The following ASTN2 variants were observed in gnomAD, a reference collection of about 807,000 sequenced individuals.
The protein encoded by ASTN2 is astrotactin 2.
ASTN2 carries 54 observed loss-of-function variants against 139.8 expected under a neutral mutation model. That is an observed-to-expected ratio of 0.39 (90% CI 0.31 to 0.48). The LOEUF (loss-of-function observed/expected upper bound fraction) is 0.48. Ranked by LOEUF, ASTN2 falls within the 20% of genes least tolerant of loss-of-function variation. The pLI, the probability that ASTN2 is intolerant of heterozygous loss-of-function variation, is 0.95. For missense variants in ASTN2, 1,565 were observed against 1,725.1 expected, an observed-to-expected ratio of 0.91 and a Z score of 1.64; for synonymous variants, 756 against 719.5, an observed-to-expected ratio of 1.05 and a Z score of -0.81.
At chr9:116,774,539 C>G (rs1830033331) in intron 13 of ASTN2, among the ~76,000 whole-genome samples, 1 of 152,098 alleles carries the variant, frequency 6.6e-6, no homozygotes, top group Admixed American at 6.5e-5. Flanking sequence ...ATCCTCTTAT[C>G]AGATTAGGAT....
chr9:117,394,973 G>A (rs1351430110), intron 1 of ASTN2, among the ~76,000 whole-genome samples: 1 of 152,126 alleles, frequency 6.6e-6, no homozygotes, highest in African/African-American at 2.4e-5. Flanking sequence ...AGAGTGATGA[G>A]GGTGGTGGAA....
chr9:117,072,359 C>T lies in ASTN2; in HGVS notation c.1276+23685G>A, dbSNP rs112194838. Among the ~76,000 whole-genome samples, 382 of 152,274 alleles carry T rather than the reference C, an allele frequency of 2.5e-3. 2 individuals are homozygous for T. Among genetic ancestry groups the T allele is most frequent in the African/African-American group, 8.7e-3 (360 of 41,550 alleles). On this transcript the variant is annotated intron_variant, in intron 5 of 22. Coordinates refer to ENST00000313400, the MANE Select transcript of ASTN2 (RefSeq NM_001365068.1). ...GTTTGAGACACTGTGGATCGTAATGCTGAGAGTATGAAAACAAATGCCTTC... is the reference window on the plus strand; with the variant it reads ...GTTTGAGACACTGTGGATCGTAATGTTGAGAGTATGAAAACAAATGCCTTC...
chr9:117,406,875 C>T (rs900199968), intron 1 of ASTN2, among the ~76,000 whole-genome samples: 1 of 150,792 alleles, frequency 6.6e-6, no homozygotes, highest in African/African-American at 2.5e-5. Context: ...CACACACACA[C>T]ACACACACAC....
chr9:116,508,133 C>G (rs1850191983), intron 19 of ASTN2, among the ~76,000 whole-genome samples: 1 of 152,156 alleles, frequency 6.6e-6, no homozygotes, highest in African/African-American at 2.4e-5. Flanking sequence ...TCAGGTGATC[C>G]ACCCGCCTTG....
Position 116,893,703 on chromosome 9 carries a change from C to A in ASTN2, c.1890-29970G>T, listed in dbSNP as rs1185711126. The stretch of plus-strand genomic sequence containing the variant: ...TACCTCAACACCTCTCCCTCCCTCT[C>A]TCCTCTCTTCCCTCCTCACCTTAGT... On this transcript the variant is annotated intron_variant, in intron 10 of 22. Transcript: ENST00000313400. Among the ~76,000 whole-genome samples, 23 of 152,094 alleles carry A rather than the reference C, an allele frequency of 1.5e-4. 1 individual carries two copies. Among genetic ancestry groups the A allele is most frequent in the Admixed American group, 1.5e-3 (23 of 15,262 alleles).
chr9:116,510,322 T>G (rs1255037790), intron 19 of ASTN2, among the ~76,000 whole-genome samples: 1 of 152,158 alleles, frequency 6.6e-6, no homozygotes. Context: ...GTTGTAGATG[T>G]GTGGTATTAT....
chr9:116,941,165 ACAAC>A (rs1835217143), intron 10 of ASTN2, among the ~76,000 whole-genome samples: 1 of 123,186 alleles, frequency 8.1e-6, no homozygotes, highest in Admixed American at 8.8e-5. Flanking sequence ...TCTGCAGAAG[ACAAC>A]TGAGGATACC....
chr9:116,573,841 C>A (rs1461584103), intron 19 of ASTN2, among the ~76,000 whole-genome samples: 2 of 152,214 alleles, frequency 1.3e-5, no homozygotes. Context: ...ACAACTTCCA[C>A]TTTGCCAACT....
intron 1 of ASTN2, among the ~76,000 whole-genome samples, chr9:117,400,289 G>T (rs2130960149): frequency 6.6e-6 from 1 of 152,288 alleles, no homozygotes; most frequent in South Asian, 2.1e-4. Context: ...AACCTGTTTG[G>T]TTTTCCTAGC....
intron 16 of ASTN2, among the ~76,000 whole-genome samples, chr9:116,720,756 A>G (rs1429012262): frequency 6.6e-6 from 1 of 152,224 alleles, no homozygotes; most frequent in African/African-American, 2.4e-5. Flanking sequence ...TAATTCCTGC[A>G]TCTATCACTA....
chr9:117,086,302 C>T (rs1001663372), intron 5 of ASTN2, among the ~76,000 whole-genome samples: 3 of 152,128 alleles, frequency 2.0e-5, no homozygotes, highest in African/African-American at 4.8e-5. Context: ...TGGCCGGGTG[C>T]GGTGGCTCAC....
intron 19 of ASTN2, among the ~76,000 whole-genome samples, chr9:116,549,743 T>A (rs1360582958): frequency 6.6e-6 from 1 of 152,180 alleles, no homozygotes; most frequent in Non-Finnish European, 1.5e-5. Context: ...CCTCCAGGCC[T>A]TTGTTTGATG....
At chr9:116,504,722 C>T (rs1044320859) in intron 19 of ASTN2, among the ~76,000 whole-genome samples, 4 of 151,894 alleles carry the variant, frequency 2.6e-5, no homozygotes, top group African/African-American at 9.7e-5. Context: ...CATAGTAAGA[C>T]CTCATCTCTA....
intron 17 of ASTN2, among the ~76,000 whole-genome samples, chr9:116,629,522 C>T (rs1334296613): frequency 6.6e-6 from 1 of 152,170 alleles, no homozygotes; most frequent in Non-Finnish European, 1.5e-5. Context: ...TTGGACTCAA[C>T]TTCAAATCCC....
At chr9:117,121,536 T>C (rs1277912319) in intron 4 of ASTN2, among the ~76,000 whole-genome samples, 1 of 152,156 alleles carries the variant, frequency 6.6e-6, no homozygotes, top group African/African-American at 2.4e-5. Context: ...ATTTTCCAAG[T>C]AGCATGGAAG....
At chr9:117,083,154 C>G (rs1828472061) in intron 5 of ASTN2, among the ~76,000 whole-genome samples, 1 of 152,070 alleles carries the variant, frequency 6.6e-6, no homozygotes, top group African/African-American at 2.4e-5. Flanking sequence ...CCACCATATT[C>G]CTGGTCTTCA....
chr9:117,300,476 G>C (rs1483251275), intron 1 of ASTN2, among the ~76,000 whole-genome samples: 1 of 152,154 alleles, frequency 6.6e-6, no homozygotes, highest in Non-Finnish European at 1.5e-5. Context: ...TCACAATCTA[G>C]GAGAGCAGAA....
intron 19 of ASTN2, among the ~76,000 whole-genome samples, chr9:116,498,394 G>A (rs950184507): frequency 1.3e-5 from 2 of 151,870 alleles, no homozygotes; most frequent in Admixed American, 1.3e-4. Flanking sequence ...AGATCAGCTT[G>A]GACAGCATAG....
rs892356938 is a variant in ASTN2, at chr9:116,802,487, G to T, written c.2396+3145C>A. On this transcript the variant is annotated intron_variant, in intron 13 of 22. Coordinates refer to ENST00000313400, the MANE Select transcript of ASTN2 (RefSeq NM_001365068.1). ...ACGTGGGCTGGTCCCACAATGACTT[G>T]CTTTGTGACCAAGTCCTTTCCCTGC... 1.2e-4 allele frequency among the ~76,000 whole-genome samples: 18 copies of T among 152,260 alleles called. No individual in the cohort carries two copies. In the East Asian group the frequency reaches 2.5e-3, roughly 21 times the overall value.
Sources: allele counts gnomAD v4.1 joint callset (sites outside exome capture counted in the v4.1 genomes callset), GRCh38; gene constraint gnomAD v4.1.1; transcripts MANE v1.5; gene names NCBI Gene and HGNC (gene_info 2026-07-23, HGNC 2026-07-21).